The following CASR variants were observed in gnomAD, a reference collection of about 807,000 sequenced individuals.
CASR encodes the protein calcium sensing receptor.
Under a neutral mutation model 69.1 loss-of-function variants are expected in CASR, and 23 were observed. The observed-to-expected ratio is 0.33, with a 90% CI of 0.24 to 0.47. CASR has a LOEUF of 0.47. Ranked by LOEUF, CASR falls within the 20% of genes least tolerant of loss-of-function variation. The pLI, the probability that CASR is intolerant of heterozygous loss-of-function variation, is 1.00. For missense variants in CASR, 924 were observed against 1,356.1 expected (o/e 0.68, Z 5.00); for synonymous variants, 541 against 544.7 (o/e 0.99, Z 0.10).
chr3:122,205,231 A>G (rs1000003685), intron 1 of CASR, among the ~76,000 whole-genome samples: 7 of 152,148 alleles, frequency 4.6e-5, no homozygotes, highest in Admixed American at 3.9e-4. Flanking sequence ...TTTTAAATCA[A>G]TTTTGACTTG....
chr3:122,254,468 C>G, intron 2 of CASR, 94 bp downstream of exon 2: 1 of 1,286,736 alleles, frequency 7.8e-7, no homozygotes, highest in South Asian at 1.2e-5. Context: ...AAACTTTGTC[C>G]TATCTTTTCA....
chr3:122,283,968 C>A lies in CASR; in HGVS notation c.2014C>A (p.Pro672Thr), dbSNP rs193922431. ...FSSSLFFIGE[P>T]QDWTCRLRQP... ...CAGCTCCCTGTTCTTCATCGGGGAG[C>A]CCCAGGACTGGACGTGCCGCCTGCG... Residue 672 changes from proline to threonine, a missense_variant, in exon 7 of 7, where the codon CCC becomes ACC. Physicochemically the swap from Pro to Thr is conservative, Grantham distance 38 (BLOSUM62 -1). Coordinates refer to ENST00000639785, the MANE Select transcript of CASR (RefSeq NM_000388.4). 1 of 1,613,610 alleles carries A rather than the reference C, an allele frequency of 6.2e-7. No individual in the cohort carries two copies. The highest frequency in any genetic ancestry group is 8.5e-7 in the Non-Finnish European group (1 of 1,179,876).
At chr3:122,184,953 G>A (rs1053341796) in intron 1 of CASR, among the ~76,000 whole-genome samples, 1 of 152,126 alleles carries the variant, frequency 6.6e-6, no homozygotes, top group East Asian at 1.9e-4. Context: ...TGGCCCCAGG[G>A]GCCGTCAGTG....
intron 1 of CASR, among the ~76,000 whole-genome samples, chr3:122,194,341 C>T (rs1462652413): frequency 6.6e-6 from 1 of 152,078 alleles, no homozygotes; most frequent in Non-Finnish European, 1.5e-5. Context: ...TTTAGAGCTC[C>T]TTGAAAACAG....
At chr3:122,282,306 A>G (rs1200412328) in intron 6 of CASR, 70 bp downstream of exon 6, 3 of 1,479,356 alleles carry the variant, frequency 2.0e-6, no homozygotes, top group South Asian at 1.1e-5. Context: ...AGTGAAGCCC[A>G]TGGAAGGGCT....
chr3:122,239,165 G>T (rs1411295021), intron 1 of CASR, among the ~76,000 whole-genome samples: 1 of 152,152 alleles, frequency 6.6e-6, no homozygotes, highest in Admixed American at 6.5e-5. Context: ...TTCTGGACCT[G>T]CCATGGGCCA....
chr3:122,188,844 C>T (rs893386524), intron 1 of CASR, among the ~76,000 whole-genome samples: 3 of 152,090 alleles, frequency 2.0e-5, no homozygotes, highest in Non-Finnish European at 4.4e-5. Context: ...TATTAAAGTC[C>T]ATGAGAATTA....
intron 1 of CASR, among the ~76,000 whole-genome samples, chr3:122,250,799 G>C (rs959214553): frequency 7.9e-5 from 12 of 152,152 alleles, no homozygotes; most frequent in African/African-American, 2.7e-4. Flanking sequence ...TACGAAGTAA[G>C]TGCTGCAGGA....
At chr3:122,208,954 T>C (rs1484809705) in intron 1 of CASR, among the ~76,000 whole-genome samples, 2 of 152,190 alleles carry the variant, frequency 1.3e-5, no homozygotes, top group South Asian at 2.1e-4. Flanking sequence ...GAGTTCGACA[T>C]TGGGGCTTGG....
At chr3:122,193,928 G>A (rs376148857) in intron 1 of CASR, among the ~76,000 whole-genome samples, 1 of 152,044 alleles carries the variant, frequency 6.6e-6, no homozygotes, top group East Asian at 1.9e-4. Flanking sequence ...TCCTGGAAGG[G>A]ATAAAAACCC....
chr3:122,262,664 T>A (rs2074642200), intron 4 of CASR, among the ~76,000 whole-genome samples: 1 of 152,196 alleles, frequency 6.6e-6, no homozygotes, highest in African/African-American at 2.4e-5. Context: ...AACTGAAGTA[T>A]GGTCCCCAAA....
At chr3:122,240,006 A>AG (rs1472066225) in intron 1 of CASR, among the ~76,000 whole-genome samples, 1 of 152,238 alleles carries the variant, frequency 6.6e-6, no homozygotes, top group African/African-American at 2.4e-5. Flanking sequence ...TCCCAAGCCT[A>AG]GAGAAAGATA....
At chr3:122,201,179 G>C (rs977891767) in intron 1 of CASR, among the ~76,000 whole-genome samples, 2 of 152,046 alleles carry the variant, frequency 1.3e-5, no homozygotes, top group South Asian at 4.1e-4. Context: ...CTGGGTACTT[G>C]AGATTAGGGA....
At chr3:122,261,452 A>G in intron 3 of CASR, 76 bp from the exon 4 acceptor site, 11 of 1,390,214 alleles carry the variant, frequency 7.9e-6, no homozygotes, top group Non-Finnish European at 1.1e-5. Flanking sequence ...AGCCACCTCC[A>G]CAACAGCCTG....
chr3:122,272,127 G>A (rs1468341541), intron 4 of CASR, among the ~76,000 whole-genome samples: 3 of 121,806 alleles, frequency 2.5e-5, no homozygotes, highest in South Asian at 2.5e-4. Flanking sequence ...ACACACACAC[G>A]AGTAGGATTG....
At chr3:122,191,296 G>A (rs182040648) in intron 1 of CASR, among the ~76,000 whole-genome samples, 353 of 152,128 alleles carry the variant, frequency 2.3e-3, no homozygotes, top group African/African-American at 8.2e-3. Context: ...AAAATACTTG[G>A]GTTTTTTTGT....
At chr3:122,275,688 C>G in intron 4 of CASR, 124 bp from the exon 5 acceptor site, 1 of 746,054 alleles carries the variant, frequency 1.3e-6, no homozygotes, top group East Asian at 2.6e-5. Flanking sequence ...GTCTCTTCCT[C>G]AAGTCACGTT....
chr3:122,280,167 A>G (rs2074870532), intron 5 of CASR, among the ~76,000 whole-genome samples: 1 of 152,206 alleles, frequency 6.6e-6, no homozygotes, highest in Admixed American at 6.5e-5. Flanking sequence ...ACATCCCTTC[A>G]TGTTAAAAAC....
chr3:122,255,262 A>G (rs1230246185), intron 2 of CASR, among the ~76,000 whole-genome samples: 1 of 152,030 alleles, frequency 6.6e-6, no homozygotes, highest in East Asian at 1.9e-4. Flanking sequence ...ACCTCCCCTA[A>G]TCTACACTGG....
Sources: gnomAD v4.1 joint callset for allele counts (sites outside exome capture counted in the v4.1 genomes callset) on GRCh38, gnomAD v4.1.1 for gene constraint, MANE v1.5 for transcripts, NCBI Gene and HGNC (gene_info 2026-07-23, HGNC 2026-07-21) for gene names.